GPC6: variants seen among roughly 807,000 people sequenced by gnomAD.
The protein encoded by GPC6 is glypican-6.
In GPC6, 14 loss-of-function variants were observed where a neutral mutation model predicts 55.2. The observed-to-expected ratio is 0.25, with a 90% CI of 0.17 to 0.40. The LOEUF (loss-of-function observed/expected upper bound fraction) is 0.40, where lower values mean the gene tolerates loss of function less well. Ranked by LOEUF, GPC6 falls within the 10% of genes least tolerant of loss-of-function variation. GPC6 has a pLI of 1.00. For missense variants in GPC6, 641 were observed against 708.5 expected (o/e 0.90, Z 1.08); for synonymous variants, 278 against 259.6 (o/e 1.07, Z -0.68).
chr13:93,445,732 T>C (rs1416348086), intron 1 of GPC6, among the ~76,000 whole-genome samples: 1 of 152,214 alleles, frequency 6.6e-6, no homozygotes, highest in African/African-American at 2.4e-5. Context: ...GCCTAGCATA[T>C]TGTCAAGGAC....
intron 1 of GPC6, among the ~76,000 whole-genome samples, chr13:93,418,734 T>C (rs1380417250): frequency 1.3e-5 from 2 of 150,204 alleles, no homozygotes; most frequent in African/African-American, 5.0e-5. Context: ...CGTAGTGTCA[T>C]TTTATTAATG....
chr13:93,854,465 A>C (rs1287230363), intron 3 of GPC6, among the ~76,000 whole-genome samples: 1 of 151,728 alleles, frequency 6.6e-6, no homozygotes, highest in Non-Finnish European at 1.5e-5. Context: ...CTTGTTTCTT[A>C]ATAGAATGAG....
rs751031847 is a variant in GPC6, at chr13:93,830,626, A to C, written c.711+81A>C. 8.9e-6 allele frequency: 11 copies of C among 1,239,688 alleles called. 1 individual carries two copies. The Admixed American group carries it at 1.1e-4, about 12-fold the overall frequency. The allele number at this position is 1,239,688 out of a possible 1,614,324, so 76.8% of individuals were successfully genotyped here. On this transcript the variant is annotated intron_variant, in intron 3 of 8. Coordinates refer to ENST00000377047, the MANE Select transcript of GPC6 (RefSeq NM_005708.5). ...AAACCAATGTTTAAAAAAAAAAAAA[A>C]AAAAAAAAAAAACCAAGGTAAAAAT...
chr13:94,000,985 A>T (rs1443032250), intron 3 of GPC6, among the ~76,000 whole-genome samples: 1 of 152,148 alleles, frequency 6.6e-6, no homozygotes, highest in African/African-American at 2.4e-5. Context: ...CCTCGAGTAA[A>T]TGCCACTATT....
At chr13:94,245,903 T>A (rs1891181548) in intron 4 of GPC6, among the ~76,000 whole-genome samples, 1 of 152,112 alleles carries the variant, frequency 6.6e-6, no homozygotes, top group Non-Finnish European at 1.5e-5. Context: ...CTACAACATA[T>A]GATAATTCTA....
chr13:93,671,091 C>T (rs760982317), intron 2 of GPC6, among the ~76,000 whole-genome samples: 1 of 152,124 alleles, frequency 6.6e-6, no homozygotes, highest in Non-Finnish European at 1.5e-5. Context: ...CAGCATTTGC[C>T]AAAGTCTGTG....
In GPC6 at chr13:93,870,589, C is replaced by T. The variant is rs76291969; in HGVS notation, c.711+40044C>T. Among the ~76,000 whole-genome samples, 11 of 151,904 alleles carry T rather than the reference C, an allele frequency of 7.2e-5. No individual in the cohort carries two copies. The East Asian group carries it at 2.2e-3, about 30-fold the overall frequency. On this transcript the variant is annotated intron_variant, in intron 3 of 8. Coordinates refer to ENST00000377047, the MANE Select transcript of GPC6 (RefSeq NM_005708.5). ...TATGTTGAAGCCCTAACTCTAGTATCTCAGGATGTGACTATATCTGGAGAG... is the reference window on the plus strand; with the variant it reads ...TATGTTGAAGCCCTAACTCTAGTATTTCAGGATGTGACTATATCTGGAGAG...
rs1277725432 is a variant in GPC6 at position 93,596,714 on chromosome 13, A to G, written c.319+51293A>G. On this transcript the variant is annotated intron_variant, in intron 2 of 8. Transcript: ENST00000377047. ...TATATAAGTATATATAAGTGTGTAT[A>G]CACATATATAAGTGTATATGCATAT... Among the ~76,000 whole-genome samples the G allele has an allele frequency of 3.4e-5, 5 of 148,290 alleles. No homozygotes were observed. The East Asian group carries it at 9.8e-4, about 29-fold the overall frequency.
intron 2 of GPC6, among the ~76,000 whole-genome samples, chr13:93,758,948 C>T (rs1341364085): frequency 6.6e-6 from 1 of 152,144 alleles, no homozygotes; most frequent in African/African-American, 2.4e-5. Flanking sequence ...TTTTCTCCTG[C>T]CTCTGAGCCT....
intron 2 of GPC6, among the ~76,000 whole-genome samples, chr13:93,814,587 G>A (rs189328416): frequency 5.6e-4 from 85 of 152,238 alleles, no homozygotes; most frequent in African/African-American, 1.9e-3. Context: ...TGGGGCTTTG[G>A]GGACCCACTT....
At chr13:93,676,126 A>AAAAT (rs1881602576) in intron 2 of GPC6, among the ~76,000 whole-genome samples, 3 of 15,674 alleles carry the variant, frequency 1.9e-4, no homozygotes, top group East Asian at 1.5e-3. Context: ...AAAAAAAAAA[A>AAAAT]ATATATATAT....
intron 3 of GPC6, among the ~76,000 whole-genome samples, chr13:93,932,203 A>C (rs1459975456): frequency 2.0e-5 from 3 of 152,306 alleles, no homozygotes; most frequent in African/African-American, 2.4e-5. Context: ...TGCAAGGCTA[A>C]ATTTTGTTAC....
chr13:94,080,338 T>C (rs1373449409), intron 4 of GPC6, among the ~76,000 whole-genome samples: 2 of 152,198 alleles, frequency 1.3e-5, no homozygotes, highest in East Asian at 3.9e-4. Flanking sequence ...AAAAAGCTGA[T>C]AAGTAATTTT....
chr13:94,347,844 T>C (rs570003653), intron 6 of GPC6, among the ~76,000 whole-genome samples: 1 of 152,338 alleles, frequency 6.6e-6, no homozygotes, highest in South Asian at 2.1e-4. Flanking sequence ...ACAACCATGT[T>C]TGGGATAGTT....
intron 1 of GPC6, among the ~76,000 whole-genome samples, chr13:93,440,115 A>G (rs753579187): frequency 3.9e-5 from 6 of 152,202 alleles, no homozygotes; most frequent in Non-Finnish European, 8.8e-5. Flanking sequence ...CTGTAATTTT[A>G]TGGCCATATA....
At chr13:93,591,091 C>T (rs1877446858) in intron 2 of GPC6, among the ~76,000 whole-genome samples, 1 of 145,996 alleles carries the variant, frequency 6.8e-6, no homozygotes, top group Non-Finnish European at 1.5e-5. Flanking sequence ...TAAAATGTAA[C>T]TGAAATATTT....
intron 1 of GPC6, among the ~76,000 whole-genome samples, chr13:93,435,051 T>G (rs568907595): frequency 2.8e-4 from 43 of 152,336 alleles, no homozygotes; most frequent in Admixed American, 9.2e-4. Flanking sequence ...CATTAGAATT[T>G]ATTGGAATAA....
At chr13:93,837,012 A>G (rs1887760208) in intron 3 of GPC6, among the ~76,000 whole-genome samples, 1 of 152,216 alleles carries the variant, frequency 6.6e-6, no homozygotes, top group African/African-American at 2.4e-5. Context: ...TGATTGAAAC[A>G]ATTTAAGTTT....
chr13:94,203,178 C>T (rs1889806435), intron 4 of GPC6, among the ~76,000 whole-genome samples: 1 of 149,652 alleles, frequency 6.7e-6, no homozygotes, highest in African/African-American at 2.5e-5. Context: ...CCTTTTTAAT[C>T]TATCACTTTT....
Sources: allele counts gnomAD v4.1 joint callset (sites outside exome capture counted in the v4.1 genomes callset), GRCh38; gene constraint gnomAD v4.1.1; transcripts MANE v1.5; gene names NCBI Gene and HGNC (gene_info 2026-07-23, HGNC 2026-07-21).